Variants in TENM4 observed in about 807,000 individuals in gnomAD.
TENM4 encodes the protein teneurin transmembrane protein 4.
Under a neutral mutation model 243.3 loss-of-function variants are expected in TENM4, and 82 were observed. The ratio of observed to expected loss-of-function variants is 0.34; its 90% CI spans 0.28 to 0.40. The LOEUF is 0.40. Ranked by LOEUF, TENM4 falls within the 10% of genes least tolerant of loss-of-function variation. The probability of loss-of-function intolerance (pLI) is 1.00; values close to 1 mark genes in which losing one functional copy is unlikely to be tolerated. For missense variants in TENM4, 3,138 were observed against 3,673.3 expected, an observed-to-expected ratio of 0.85 and a Z score of 3.77; for synonymous variants, 1,412 against 1,456.3, an observed-to-expected ratio of 0.97 and a Z score of 0.69.
At chr11:78,831,795 T>A (rs1211569359) in intron 12 of TENM4, among the ~76,000 whole-genome samples, 1 of 152,200 alleles carries the variant, frequency 6.6e-6, no homozygotes, top group East Asian at 1.9e-4. Flanking sequence ...CCTACTATTG[T>A]AAATATTTCT....
chr11:79,060,298 T>C (rs1013335639), intron 6 of TENM4, among the ~76,000 whole-genome samples: 10 of 152,288 alleles, frequency 6.6e-5, no homozygotes, highest in South Asian at 2.1e-4. Context: ...CATTACCCAG[T>C]CAATTCTGTA....
At chr11:78,932,243 A>G (rs568436983) in intron 6 of TENM4, among the ~76,000 whole-genome samples, 1 of 152,270 alleles carries the variant, frequency 6.6e-6, no homozygotes, top group East Asian at 1.9e-4. Flanking sequence ...CAAGTCAGAA[A>G]AACAACAATA....
At chr11:79,339,406 T>G (rs534914452) in intron 1 of TENM4, among the ~76,000 whole-genome samples, 1 of 152,336 alleles carries the variant, frequency 6.6e-6, no homozygotes, top group African/African-American at 2.4e-5. Context: ...TTGAAAAGTA[T>G]CACACTGCAC....
chr11:78,778,681 C>T (rs375353682), intron 16 of TENM4, 53 bp from the exon 17 acceptor site: 142 of 1,542,680 alleles, frequency 9.2e-5, no homozygotes, highest in Non-Finnish European at 1.1e-4. Flanking sequence ...AGTGCAATAT[C>T]GCCTGCCACA....
At chr11:79,379,915 C>T (rs1204696151) in intron 1 of TENM4, among the ~76,000 whole-genome samples, 1 of 152,164 alleles carries the variant, frequency 6.6e-6, no homozygotes, top group Non-Finnish European at 1.5e-5. Context: ...GAGGGAGAGA[C>T]TGGCTTGTCA....
At chr11:79,211,814 A>G (rs1022140009) in intron 3 of TENM4, among the ~76,000 whole-genome samples, 2 of 152,232 alleles carry the variant, frequency 1.3e-5, no homozygotes, top group Non-Finnish European at 2.9e-5. Flanking sequence ...GGGGTCTTCA[A>G]TAACGTTGAA....
chr11:78,922,008 G>T (rs996498387), intron 6 of TENM4, among the ~76,000 whole-genome samples: 6 of 152,268 alleles, frequency 3.9e-5, no homozygotes, highest in Non-Finnish European at 8.8e-5. Flanking sequence ...ACCAGATGCA[G>T]TGTGGGAACT....
intron 1 of TENM4, among the ~76,000 whole-genome samples, chr11:79,385,409 T>C (rs900508208): frequency 7.9e-5 from 12 of 152,232 alleles, no homozygotes; most frequent in Non-Finnish European, 4.4e-5. Flanking sequence ...TTTTCAATCA[T>C]AGAAGACTGA....
At chr11:79,128,101 A>G (rs1861920251) in intron 4 of TENM4, among the ~76,000 whole-genome samples, 1 of 152,234 alleles carries the variant, frequency 6.6e-6, no homozygotes, top group Non-Finnish European at 1.5e-5. Context: ...ATGACCCAGC[A>G]GATCCAATGG....
In TENM4 at chr11:78,657,675, A is replaced by G; in HGVS notation, c.*383T>C. Reference sequence around the variant, plus strand: ...GAAAGGGTTGCACATGAGACAAGTTAGCACAGACATTCATGTCCCACATCA... The same window carrying G: ...GAAAGGGTTGCACATGAGACAAGTTGGCACAGACATTCATGTCCCACATCA... On this transcript the variant is annotated 3_prime_UTR_variant, in exon 34 of 34. Coordinates refer to ENST00000278550, the MANE Select transcript of TENM4 (RefSeq NM_001098816.3). The G allele has an allele frequency of 2.6e-6, 1 of 388,196 alleles. No homozygotes were observed. The highest frequency in any genetic ancestry group is 6.4e-5 in the East Asian group (1 of 15,542). 24.0% of individuals were successfully genotyped at this position (388,196 alleles called of 1,614,324 possible).
At chr11:79,373,000 G>A (rs904047018) in intron 1 of TENM4, among the ~76,000 whole-genome samples, 3 of 152,144 alleles carry the variant, frequency 2.0e-5, no homozygotes, top group African/African-American at 2.4e-5. Flanking sequence ...AAGAGACAAC[G>A]AAATGCTTAG....
Position 78,669,678 on chromosome 11 carries a change from G to A in TENM4, c.6667C>T (p.Leu2223=). The change falls in exon 32 of 34, where the codon CTG becomes TTG. Residue 2223 remains leucine (L), a synonymous_variant. Coordinates refer to ENST00000278550, the MANE Select transcript of TENM4 (RefSeq NM_001098816.3). This position sits in a 1 kb window ranked among gnomAD's most constrained non-coding sequence, Gnocchi z 6.4. ...CTGTTCCCAGGGCTCAGTAAGTGCA[G>A]GTTCCCATTGAGGTCGTAGCTGTAG... is the stretch of plus-strand genomic sequence containing the variant. ...WRYSYDLNGN[L]HLLSPGNSAR... 6.2e-7 allele frequency: 1 copy of A among 1,614,008 alleles called. No homozygotes were observed. The highest frequency in any genetic ancestry group is 8.5e-7 in the Non-Finnish European group (1 of 1,179,886).
intron 3 of TENM4, among the ~76,000 whole-genome samples, chr11:79,157,354 C>T (rs772290645): frequency 2.0e-5 from 3 of 152,180 alleles, no homozygotes. Context: ...ATAATCTGTG[C>T]TGCAACGTGG....
chr11:78,907,265 T>C (rs1856083751), intron 6 of TENM4, among the ~76,000 whole-genome samples: 1 of 145,642 alleles, frequency 6.9e-6, no homozygotes, highest in African/African-American at 2.6e-5. Context: ...TTTTTTTTGC[T>C]CCTATGGCCA....
chr11:78,751,203 C>T (rs777205830), intron 19 of TENM4, among the ~76,000 whole-genome samples: 2 of 152,304 alleles, frequency 1.3e-5, no homozygotes, highest in Middle Eastern at 3.4e-3. Flanking sequence ...TTTCTCTGCT[C>T]TGTCCCTCGC....
chr11:79,420,807 T>A (rs1858915794), intron 1 of TENM4, among the ~76,000 whole-genome samples: 1 of 152,128 alleles, frequency 6.6e-6, no homozygotes. Context: ...TCCCTGGAGC[T>A]GGGATGGGAC....
chr11:78,701,918 C>G lies in TENM4; in HGVS notation c.4695G>C (p.Lys1565Asn). The change falls in exon 28 of 34, where the codon AAG becomes AAC. Residue 1565 changes from lysine to asparagine, a missense_variant. This residue lies in a region of TENM4 where 2,467 missense variants were observed against 3,059.1 expected (regional missense o/e 0.81). Coordinates refer to ENST00000278550, the MANE Select transcript of TENM4 (RefSeq NM_001098816.3). ...TCTGGGTGTTGAGGAAAGGCTTGTT[C>G]TTCCGGATAAACCGAATTCGGATGT... ...LGNIRIRFIR[K>N]NKPFLNTQNM... 1.2e-6 allele frequency: 2 copies of G among 1,614,022 alleles called. No homozygotes were observed. Among genetic ancestry groups the G allele is most frequent in the South Asian group, 2.2e-5 (2 of 91,070 alleles).
chr11:78,716,479 T>A (rs1373902488), intron 25 of TENM4, among the ~76,000 whole-genome samples: 5 of 152,230 alleles, frequency 3.3e-5, no homozygotes, highest in African/African-American at 9.6e-5. Flanking sequence ...TCTCTGCGGC[T>A]TTGAACTGGG....
chr11:79,347,970 G>C (rs1295333769), intron 1 of TENM4, among the ~76,000 whole-genome samples: 1 of 151,316 alleles, frequency 6.6e-6, no homozygotes, highest in Non-Finnish European at 1.5e-5. Flanking sequence ...TAGTAGAGAC[G>C]GGGTTTCACC....
Sources: allele counts gnomAD v4.1 joint callset (sites outside exome capture counted in the v4.1 genomes callset), GRCh38; gene constraint gnomAD v4.1.1; regional missense constraint gnomAD v4.1.1; non-coding constraint Gnocchi (gnomAD v3.1); transcripts MANE v1.5; gene names NCBI Gene and HGNC (gene_info 2026-07-23, HGNC 2026-07-21).